Variants in ZDHHC2 observed in about 807,000 individuals in gnomAD.
ZDHHC2 encodes the protein palmitoyltransferase ZDHHC2.
In ZDHHC2, 51 loss-of-function variants were observed where a neutral mutation model predicts 55.6. The observed-to-expected ratio is 0.92, with a 90% CI of 0.73 to 1.16. The LOEUF (loss-of-function observed/expected upper bound fraction) is 1.16. Among genes scored for constraint, ZDHHC2 ranks in the 50% most tolerant of loss-of-function variants. The pLI, the probability that ZDHHC2 is intolerant of heterozygous loss-of-function variation, is 0.00. For missense variants in ZDHHC2, 491 were observed against 442.4 expected, an observed-to-expected ratio of 1.11 and a Z score of -0.99; for synonymous variants, 199 against 152.9, an observed-to-expected ratio of 1.30 and a Z score of -2.22.
At chr8:17,175,886 A>G (rs1805102046) in intron 1 of ZDHHC2, among the ~76,000 whole-genome samples, 1 of 152,310 alleles carries the variant, frequency 6.6e-6, no homozygotes, top group East Asian at 1.9e-4. Context: ...GCGTGGAGTC[A>G]GGTGTGGAGC....
At chr8:17,206,961 A>C (rs554567161) in intron 7 of ZDHHC2, among the ~76,000 whole-genome samples, 7 of 152,342 alleles carry the variant, frequency 4.6e-5, no homozygotes, top group Admixed American at 2.0e-4. Flanking sequence ...TGCTGCTAAC[A>C]TTCAAGGATT....
Position 17,224,696 on chromosome 8 carries a change from TA to T in ZDHHC2, c.*4476del, listed in dbSNP as rs1808056537. On this transcript the variant is annotated 3_prime_UTR_variant, in exon 13 of 13. Coordinates refer to ENST00000262096, the MANE Select transcript of ZDHHC2 (RefSeq NM_016353.5). ...GTTCTCCTGTTGTATTTTTCTCAGT[TA>T]TGAGAGCAAGGCTATTTTGTCAGTT... is the stretch of plus-strand genomic sequence containing the variant. The T allele has an allele frequency of 6.6e-6, 1 of 151,746 alleles. No individual in the cohort carries two copies. Among genetic ancestry groups the T allele is most frequent in the African/African-American group, 2.4e-5 (1 of 41,406 alleles). 9.4% of individuals were successfully genotyped at this position (151,746 alleles called of 1,614,324 possible).
chr8:17,164,786 G>C (rs1483086158), intron 1 of ZDHHC2, among the ~76,000 whole-genome samples: 3 of 152,122 alleles, frequency 2.0e-5, no homozygotes, highest in Non-Finnish European at 4.4e-5. Context: ...GAATGGCTTT[G>C]TCATGATTAC....
intron 11 of ZDHHC2, among the ~76,000 whole-genome samples, chr8:17,216,528 C>A (rs1476557237): frequency 6.6e-6 from 1 of 152,106 alleles, no homozygotes; most frequent in Non-Finnish European, 1.5e-5. Flanking sequence ...CTGATTTGTT[C>A]TTTGAATCCA....
At chr8:17,215,118 G>A (rs1000049362) in intron 10 of ZDHHC2, 119 bp from the exon 11 acceptor site, 8 of 773,394 alleles carry the variant, frequency 1.0e-5, no homozygotes, top group African/African-American at 5.3e-5. Context: ...GTTATTTTGG[G>A]TACCTCCTGC....
chr8:17,206,285 A>C (rs1807099688), intron 7 of ZDHHC2, among the ~76,000 whole-genome samples: 1 of 152,230 alleles, frequency 6.6e-6, no homozygotes. Context: ...CATGAGTTAT[A>C]GTACTGTTAG....
chr8:17,182,448 G>A (rs537643448), intron 1 of ZDHHC2, among the ~76,000 whole-genome samples: 1 of 152,166 alleles, frequency 6.6e-6, no homozygotes, highest in Non-Finnish European at 1.5e-5. Context: ...ACAGAGTTAC[G>A]TTTACAGGAA....
intron 1 of ZDHHC2, among the ~76,000 whole-genome samples, chr8:17,157,260 G>A (rs1310528535): frequency 6.6e-6 from 1 of 152,214 alleles, no homozygotes; most frequent in African/African-American, 2.4e-5. Context: ...AGACCCGCGC[G>A]GGGGTGCTGG....
intron 1 of ZDHHC2, among the ~76,000 whole-genome samples, chr8:17,170,138 G>A (rs1244276654): frequency 6.6e-6 from 1 of 152,154 alleles, no homozygotes; most frequent in Non-Finnish European, 1.5e-5. Context: ...AGAAGAGAAA[G>A]GCATTGTATA....
chr8:17,165,180 G>C (rs1180030860), intron 1 of ZDHHC2, among the ~76,000 whole-genome samples: 8 of 152,194 alleles, frequency 5.3e-5, no homozygotes, highest in South Asian at 2.1e-4. Context: ...TCAATTATGA[G>C]TCTCACACTG....
chr8:17,163,484 C>T (rs1804455391), intron 1 of ZDHHC2, among the ~76,000 whole-genome samples: 1 of 152,104 alleles, frequency 6.6e-6, no homozygotes, highest in Non-Finnish European at 1.5e-5. Flanking sequence ...ATGAAATGGT[C>T]CTCATTGATT....
intron 6 of ZDHHC2, among the ~76,000 whole-genome samples, chr8:17,199,828 C>G (rs1203563689): frequency 2.7e-5 from 4 of 148,614 alleles, no homozygotes; most frequent in African/African-American, 7.5e-5. Flanking sequence ...AGCGTGATCT[C>G]AGCTCACTGC....
In ZDHHC2 at chr8:17,208,700, A is replaced by C. The variant is rs17124216; in HGVS notation, c.730+608A>C. Among the ~76,000 whole-genome samples, 107 of 152,336 alleles carry C rather than the reference A, an allele frequency of 7.0e-4. 1 individual carries two copies. Among genetic ancestry groups the C allele is most frequent in the African/African-American group, 2.5e-3 (102 of 41,586 alleles). On this transcript the variant is annotated intron_variant, in intron 8 of 12. Coordinates refer to ENST00000262096, the MANE Select transcript of ZDHHC2 (RefSeq NM_016353.5). ...CATTATGGAATTCTCAAATGAAATC[A>C]TTACACCAAATACTATTAGGGTGAA...
chr8:17,158,698 A>G (rs35750045), intron 1 of ZDHHC2, among the ~76,000 whole-genome samples: 41,037 of 152,206 alleles, frequency 0.27, 6,867 homozygotes, highest in Non-Finnish European at 0.36. Flanking sequence ...GTAAGTGACG[A>G]TTTGACTAAG....
At chr8:17,207,774 C>T (rs1297583339) in intron 7 of ZDHHC2, among the ~76,000 whole-genome samples, 186 bp from the exon 8 acceptor site, 2 of 151,670 alleles carry the variant, frequency 1.3e-5, no homozygotes, top group African/African-American at 2.4e-5. Flanking sequence ...TTCATATTCT[C>T]GTAAACTTTT....
At position 17,183,580 on chromosome 8, in the gene ZDHHC2, A is replaced by G. The variant is rs373092358; in HGVS notation, c.131-1209A>G. On this transcript the variant is annotated intron_variant, in intron 1 of 12. Transcript: ENST00000262096. ...CCTAGGAAGCATTTACAGATGCCACATCTACGTTAGTAAGAGATCTGGAAA... is the reference window on the plus strand; with the variant it reads ...CCTAGGAAGCATTTACAGATGCCACGTCTACGTTAGTAAGAGATCTGGAAA... Among the ~76,000 whole-genome samples, 15 of 152,230 alleles carry G rather than the reference A, an allele frequency of 9.9e-5. 1 individual carries two copies. The East Asian group carries it at 2.5e-3, about 25-fold the overall frequency.
intron 3 of ZDHHC2, among the ~76,000 whole-genome samples, chr8:17,187,622 CT>C (rs927646101): frequency 6.6e-5 from 10 of 151,570 alleles, no homozygotes; most frequent in Admixed American, 5.9e-4. Context: ...CTATCCCAGT[CT>C]TTTTTTTTCC....
rs1157763386 is a variant in ZDHHC2, at chr8:17,172,138, C to T, written c.131-12651C>T. Among the ~76,000 whole-genome samples the T allele has an allele frequency of 4.6e-5, 7 of 152,108 alleles. No individual in the cohort carries two copies. In the East Asian group the frequency reaches 9.7e-4, roughly 21 times the overall value. ...CCCTGCACCTGGAACTGTTTACTTT[C>T]CTGTATCCATTTATCCTTTTAACTT... On this transcript the variant is annotated intron_variant, in intron 1 of 12. Coordinates refer to ENST00000262096, the MANE Select transcript of ZDHHC2 (RefSeq NM_016353.5).
At position 17,199,379 on chromosome 8, in the gene ZDHHC2, C is replaced by G. The variant is rs1023189260; in HGVS notation, c.476+966C>G. Among the ~76,000 whole-genome samples, 3 of 152,046 alleles carry G rather than the reference C, an allele frequency of 2.0e-5. No individual in the cohort carries two copies. In the South Asian group the frequency reaches 6.2e-4, roughly 32 times the overall value. ...CCCTTCGTACTAATTGATACTTGCACTCATTCTTTTGCCCCCCTGCCCCCA... is the reference window on the plus strand; with the variant it reads ...CCCTTCGTACTAATTGATACTTGCAGTCATTCTTTTGCCCCCCTGCCCCCA... On this transcript the variant is annotated intron_variant, in intron 6 of 12. Coordinates refer to ENST00000262096, the MANE Select transcript of ZDHHC2 (RefSeq NM_016353.5).
Sources: gnomAD v4.1 joint callset for allele counts (sites outside exome capture counted in the v4.1 genomes callset) on GRCh38, gnomAD v4.1.1 for gene constraint, MANE v1.5 for transcripts, NCBI Gene and HGNC (gene_info 2026-07-23, HGNC 2026-07-21) for gene names.